The following ELMO1 variants were observed in gnomAD, a reference collection of about 807,000 sequenced individuals.
ELMO1 encodes the protein engulfment and cell motility protein 1.
In ELMO1, 26 loss-of-function variants were observed where a neutral mutation model predicts 98.9. That is an observed-to-expected ratio of 0.26 (90% CI 0.19 to 0.36). The LOEUF is 0.36. Ranked by LOEUF, ELMO1 falls within the 10% of genes least tolerant of loss-of-function variation. ELMO1 has a pLI of 1.00. For synonymous variants in ELMO1, 346 were observed against 346.0 expected (o/e 1.00, Z 0.00); for missense variants, 627 against 935.2 (o/e 0.67, Z 4.30).
intron 6 of ELMO1, among the ~76,000 whole-genome samples, chr7:37,253,117 A>G (rs1165117149): frequency 6.6e-6 from 1 of 152,230 alleles, no homozygotes; most frequent in African/African-American, 2.4e-5. Flanking sequence ...GAACGCTTTT[A>G]CACTGTTGGT....
intron 13 of ELMO1, among the ~76,000 whole-genome samples, chr7:37,151,232 TC>T (rs1788336269): frequency 6.6e-6 from 1 of 152,238 alleles, no homozygotes; most frequent in Non-Finnish European, 1.5e-5. Context: ...TGCCCAACTT[TC>T]CTTTCCTGCC....
chr7:37,158,832 C>T (rs570478564), intron 13 of ELMO1, among the ~76,000 whole-genome samples: 1 of 152,216 alleles, frequency 6.6e-6, no homozygotes, highest in Non-Finnish European at 1.5e-5. Context: ...ATAAATCATG[C>T]TGCTATAAAG....
chr7:37,065,552 C>T (rs555252211), intron 15 of ELMO1, among the ~76,000 whole-genome samples: 116 of 152,228 alleles, frequency 7.6e-4, no homozygotes, highest in African/African-American at 2.7e-3. Context: ...CTCTAGAAGC[C>T]CTTAAATGAA....
chr7:37,195,179 G>A (rs1468835024), intron 13 of ELMO1, among the ~76,000 whole-genome samples: 1 of 152,164 alleles, frequency 6.6e-6, no homozygotes, highest in Non-Finnish European at 1.5e-5. Context: ...AGAGGACAGG[G>A]GATGAGAGTG....
intron 1 of ELMO1, among the ~76,000 whole-genome samples, chr7:37,428,662 C>A (rs539398165): frequency 4.6e-5 from 7 of 152,292 alleles, no homozygotes; most frequent in African/African-American, 1.7e-4. Context: ...TGCAAAGACC[C>A]AACAGATGAA....
At chr7:36,972,541 C>T (rs1482122856) in intron 16 of ELMO1, among the ~76,000 whole-genome samples, 1 of 152,132 alleles carries the variant, frequency 6.6e-6, no homozygotes, top group Non-Finnish European at 1.5e-5. Context: ...TGTTCCAGGC[C>T]TTTCTCCTTG....
intron 1 of ELMO1, among the ~76,000 whole-genome samples, chr7:37,356,600 A>G (rs907946298): frequency 6.6e-6 from 1 of 152,102 alleles, no homozygotes; most frequent in African/African-American, 2.4e-5. Flanking sequence ...GGAGGGGAAC[A>G]TCACACACCG....
At chr7:37,368,333 T>C (rs1447343431) in intron 1 of ELMO1, among the ~76,000 whole-genome samples, 1 of 152,152 alleles carries the variant, frequency 6.6e-6, no homozygotes, top group Non-Finnish European at 1.5e-5. Flanking sequence ...GAACAAAGCA[T>C]CAGAAAGAAC....
intron 2 of ELMO1, among the ~76,000 whole-genome samples, chr7:37,333,844 T>A (rs1372112549): frequency 6.6e-6 from 1 of 152,238 alleles, no homozygotes; most frequent in Non-Finnish European, 1.5e-5. Flanking sequence ...GCTTTCTTAA[T>A]TGGAGCAAAA....
At position 36,942,976 on chromosome 7, in the gene ELMO1, T is replaced by C. The variant is rs140702231; in HGVS notation, c.1438-47959A>G. Among the ~76,000 whole-genome samples the C allele has an allele frequency of 3.6e-3, 555 of 152,266 alleles. 1 individual carries two copies. The highest frequency in any genetic ancestry group is 0.013 in the African/African-American group (539 of 41,538). ...TTCCAGAATTCTCATGCAGCAAAAA[T>C]CACCATGACCAGCCACCTTCAGATC... On this transcript the variant is annotated intron_variant, in intron 16 of 21. Transcript: ENST00000310758.
intron 13 of ELMO1, among the ~76,000 whole-genome samples, chr7:37,141,609 C>G (rs570663016): frequency 9.2e-5 from 14 of 152,070 alleles, no homozygotes; most frequent in Non-Finnish European, 1.8e-4. Context: ...ACAGGTTAAA[C>G]AGATGAAAAA....
At chr7:37,126,460 A>C (rs1786531998) in intron 14 of ELMO1, among the ~76,000 whole-genome samples, 1 of 151,968 alleles carries the variant, frequency 6.6e-6, no homozygotes, top group Admixed American at 6.6e-5. Context: ...CCGTTGTTTA[A>C]AATTAGGTCA....
intron 1 of ELMO1, among the ~76,000 whole-genome samples, chr7:37,387,634 T>C (rs1802864128): frequency 6.6e-6 from 1 of 152,192 alleles, no homozygotes; most frequent in Non-Finnish European, 1.5e-5. Flanking sequence ...GACAGGCATA[T>C]AGAGCCAAAC....
intron 14 of ELMO1, among the ~76,000 whole-genome samples, chr7:37,129,420 T>G (rs1425101740): frequency 6.6e-6 from 1 of 152,240 alleles, no homozygotes; most frequent in Non-Finnish European, 1.5e-5. Flanking sequence ...TACGTGGGTC[T>G]CAGCTCAGCC....
intron 16 of ELMO1, among the ~76,000 whole-genome samples, chr7:36,972,392 CTA>C (rs1790046048): frequency 6.6e-6 from 1 of 152,224 alleles, no homozygotes; most frequent in African/African-American, 2.4e-5. Context: ...TGAGTGCACT[CTA>C]TCAGTTTGCT....
intron 13 of ELMO1, among the ~76,000 whole-genome samples, chr7:37,157,483 A>C (rs919260680): frequency 2.0e-5 from 3 of 152,302 alleles, no homozygotes; most frequent in South Asian, 2.1e-4. Context: ...AGGATACAAA[A>C]TCAATGTGCA....
intron 16 of ELMO1, among the ~76,000 whole-genome samples, chr7:36,999,611 TAGA>T (rs1172188585): frequency 3.3e-5 from 5 of 152,222 alleles, no homozygotes; most frequent in Non-Finnish European, 7.3e-5. Context: ...CTGTGAATAA[TAGA>T]AGAAGACTGT....
chr7:37,402,181 C>T (rs2131462975), intron 1 of ELMO1, among the ~76,000 whole-genome samples: 2 of 152,256 alleles, frequency 1.3e-5, no homozygotes, highest in South Asian at 4.1e-4. Flanking sequence ...GAAGCTATTT[C>T]CCCTCCCCTA....
intron 13 of ELMO1, among the ~76,000 whole-genome samples, chr7:37,183,680 A>AC (rs1351579325): frequency 6.6e-5 from 10 of 151,508 alleles, no homozygotes. Flanking sequence ...TATGTCCCCC[A>AC]CCTCCCTCAA....
Sources: allele counts gnomAD v4.1 joint callset (sites outside exome capture counted in the v4.1 genomes callset), GRCh38; gene constraint gnomAD v4.1.1; transcripts MANE v1.5; gene names NCBI Gene and HGNC (gene_info 2026-07-23, HGNC 2026-07-21).